Variants in NAE1 observed in about 807,000 individuals in gnomAD.
NAE1 encodes NEDD8 activating enzyme E1 subunit 1, also known as NEDD8-activating enzyme E1 regulatory subunit.
In NAE1, 59 loss-of-function variants were observed where a neutral mutation model predicts 88.0. That is an observed-to-expected ratio of 0.67 (90% CI 0.54 to 0.83). The LOEUF is 0.83. Ranked by LOEUF, NAE1 falls within the 40% of genes least tolerant of loss-of-function variation. The pLI is 0.00. For synonymous variants in NAE1, 186 were observed against 208.9 expected (o/e 0.89, Z 0.95); for missense variants, 554 against 632.8 (o/e 0.88, Z 1.34).
At chr16:66,817,402 AT>A (rs754879167) in intron 9 of NAE1, 22 bp downstream of exon 9, 14 of 1,551,598 alleles carry the variant, frequency 9.0e-6, no homozygotes, top group Non-Finnish European at 1.2e-5. Context: ...TGCATATGAA[AT>A]TTTTTTTAAA....
chr16:66,821,056 C>T (rs560075416), intron 7 of NAE1, among the ~76,000 whole-genome samples: 4 of 152,064 alleles, frequency 2.6e-5, no homozygotes, highest in Admixed American at 6.6e-5. Flanking sequence ...GCAACAAGAG[C>T]GAAACTCTGT....
intron 17 of NAE1, among the ~76,000 whole-genome samples, chr16:66,807,716 A>T (rs1400711281): frequency 6.6e-6 from 1 of 152,132 alleles, no homozygotes; most frequent in Non-Finnish European, 1.5e-5. Context: ...TGATACCCCT[A>T]GAATGTGTTG....
intron 7 of NAE1, among the ~76,000 whole-genome samples, chr16:66,820,100 C>G (rs926652827): frequency 2.0e-5 from 3 of 152,210 alleles, no homozygotes; most frequent in Non-Finnish European, 4.4e-5. Context: ...TGGCTCACCA[C>G]CAGCAGCCAG....
intron 13 of NAE1, 66 bp downstream of exon 13, chr16:66,813,498 G>T (rs1181549348): frequency 2.7e-6 from 4 of 1,497,144 alleles, no homozygotes; most frequent in Non-Finnish European, 2.7e-6. Context: ...CTGACAGGAT[G>T]ATAAAATGTT....
chr16:66,807,628 A>G (rs1959619283), intron 17 of NAE1, among the ~76,000 whole-genome samples: 1 of 146,886 alleles, frequency 6.8e-6, no homozygotes, highest in South Asian at 2.3e-4. Flanking sequence ...CGACAGAGCG[A>G]GACTCCGTCT....
rs1327924047 is a variant in NAE1, at chr16:66,811,099, T to C, written c.1035-327A>G. Among the ~76,000 whole-genome samples, 4 of 152,184 alleles carry C rather than the reference T, an allele frequency of 2.6e-5. No individual in the cohort carries two copies. The East Asian group carries it at 5.8e-4, about 22-fold the overall frequency. On this transcript the variant is annotated intron_variant, in intron 13 of 19. Coordinates refer to ENST00000290810, the MANE Select transcript of NAE1 (RefSeq NM_003905.4). The stretch of plus-strand genomic sequence containing the variant: ...ATACATTACTGAAGAACATGACTTA[T>C]CTCCTGGAAGTCAAGTCCAAGGAAA...
intron 11 of NAE1, among the ~76,000 whole-genome samples, chr16:66,815,965 C>T (rs1960028533): frequency 6.6e-6 from 1 of 152,088 alleles, no homozygotes; most frequent in African/African-American, 2.4e-5. Flanking sequence ...CGCCTGGCCC[C>T]AGCCAGCACA....
chr16:66,810,887 T>C, intron 13 of NAE1, 115 bp from the exon 14 acceptor site: 7 of 835,622 alleles, frequency 8.4e-6, no homozygotes, highest in Non-Finnish European at 1.4e-5. Context: ...TCTGACAATG[T>C]ATGAAATGTG....
chr16:66,824,735 ATTAG>A (rs1960396534), intron 4 of NAE1, 116 bp downstream of exon 4: 1 of 887,898 alleles, frequency 1.1e-6, no homozygotes, highest in Non-Finnish European at 1.7e-6. Flanking sequence ...GATTACAAAA[ATTAG>A]TTAACTTTTT....
intron 1 of NAE1, 99 bp downstream of exon 1, chr16:66,830,748 G>T (rs1449806865): frequency 8.5e-7 from 1 of 1,176,684 alleles, no homozygotes; most frequent in Admixed American, 2.4e-5. Flanking sequence ...CTGGAAGAAG[G>T]CCTGAGGAAG....
At position 66,803,005 on chromosome 16, in the gene NAE1, T is replaced by G. The variant is rs2145300666; in HGVS notation, c.*4A>C. On this transcript the variant is annotated 3_prime_UTR_variant, in exon 20 of 20. Transcript: ENST00000290810. ...TAACACACTACTTAAGGTGCTTGCT[T>G]ACTCTACAACTGGAAAGTTGCTGAA... is the stretch of plus-strand genomic sequence containing the variant. 1 of 1,557,964 alleles carries G rather than the reference T, an allele frequency of 6.4e-7. No individual in the cohort carries two copies. Among genetic ancestry groups the G allele is most frequent in the South Asian group, 1.1e-5 (1 of 89,930 alleles).
chr16:66,830,231 G>A (rs1206565615), intron 1 of NAE1, among the ~76,000 whole-genome samples: 3 of 152,024 alleles, frequency 2.0e-5, no homozygotes, highest in Admixed American at 6.5e-5. Flanking sequence ...CCAGCTTGGG[G>A]AAAGGTGGCA....
At chr16:66,812,797 G>A (rs1008860707) in intron 13 of NAE1, among the ~76,000 whole-genome samples, 11 of 150,922 alleles carry the variant, frequency 7.3e-5, no homozygotes, top group African/African-American at 2.7e-4. Flanking sequence ...GGGATTACAG[G>A]CGTGAGCCAC....
chr16:66,816,653 A>G lies in NAE1; in HGVS notation c.768T>C (p.Asn256=), dbSNP rs763831583. Reference sequence around the variant, plus strand: ...AATTCTCTTCATCTTCTGGAGCCCCATTTTCATTTTTTAGAATTCCTATTG... The same window carrying G: ...AATTCTCTTCATCTTCTGGAGCCCCGTTTTCATTTTTTAGAATTCCTATTG... The part of the protein sequence containing the change: ...LIRQGILKNE[N]GAPEDEENFE... Residue 256 remains asparagine (N), a synonymous_variant, in exon 11 of 20, where the codon AAT becomes AAC. Transcript: ENST00000290810. 3 of 1,611,418 alleles carry G rather than the reference A, an allele frequency of 1.9e-6. No individual in the cohort carries two copies. The highest frequency in any genetic ancestry group is 2.2e-5 in the South Asian group (2 of 90,784).
chr16:66,821,076 C>CA lies in NAE1; in HGVS notation c.511+373dup, dbSNP rs1337905546. 2.0e-5 allele frequency among the ~76,000 whole-genome samples: 3 copies of CA among 151,658 alleles called. No individual in the cohort carries two copies. In the East Asian group the frequency reaches 5.8e-4, roughly 29 times the overall value. The stretch of plus-strand genomic sequence containing the variant: ...AAGAGCGAAACTCTGTCTTAAAAAA[C>CA]AAAAAAAAGACTGGAGTGGGGAAAG... On this transcript the variant is annotated intron_variant, in intron 7 of 19. Coordinates refer to ENST00000290810, the MANE Select transcript of NAE1 (RefSeq NM_003905.4).
In NAE1 at chr16:66,826,573, C is replaced by T. The variant is rs377673251; in HGVS notation, c.168G>A (p.Ser56=). The change falls in exon 3 of 20, where the codon TCG becomes TCA. Residue 56 remains serine, a synonymous_variant. Transcript: ENST00000290810. ...LKNLVLPGIG[S]FTIIDGNQVS... ...CCTGATTTCCATCAATAATTGTAAA[C>T]GAACCAATACCTGAGAGCCAAAACA... The T allele has an allele frequency of 5.0e-5, 81 of 1,613,970 alleles. No homozygotes were observed. The highest frequency in any genetic ancestry group is 2.7e-4 in the Admixed American group (16 of 59,992).
chr16:66,811,645 AC>A (rs1051483598), intron 13 of NAE1, among the ~76,000 whole-genome samples: 2 of 152,030 alleles, frequency 1.3e-5, no homozygotes, highest in Non-Finnish European at 2.9e-5. Flanking sequence ...ACATTTCACC[AC>A]CCGCTTTGGC....
At chr16:66,826,501 A>G in intron 3 of NAE1, 22 bp downstream of exon 3, 1 of 1,612,836 alleles carries the variant, frequency 6.2e-7, no homozygotes, top group Non-Finnish European at 8.5e-7. Context: ...ACGTGAATAT[A>G]TTTGAAGAGA....
chr16:66,828,076 G>T (rs779016781), intron 1 of NAE1: 2 of 1,611,136 alleles, frequency 1.2e-6, no homozygotes, highest in Admixed American at 1.7e-5. Flanking sequence ...TGGAGGAATC[G>T]CCTAGAAGAA....
Sources: gnomAD v4.1 joint callset for allele counts (sites outside exome capture counted in the v4.1 genomes callset) on GRCh38, gnomAD v4.1.1 for gene constraint, MANE v1.5 for transcripts, NCBI Gene and HGNC (gene_info 2026-07-23, HGNC 2026-07-21) for gene names.